Variants in CORO2B observed in about 807,000 individuals in gnomAD.
CORO2B encodes coronin 2B, also known as coronin-2B.
CORO2B carries 26 observed loss-of-function variants against 58.8 expected under a neutral mutation model. The observed-to-expected ratio is 0.44, with a 90% CI of 0.32 to 0.61. The LOEUF is 0.61. Among genes scored for constraint, CORO2B ranks in the 20% least tolerant of loss-of-function variants. CORO2B has a pLI of 0.04. For synonymous variants in CORO2B, 242 were observed against 253.8 expected (o/e 0.95, Z 0.44); for missense variants, 460 against 645.1 (o/e 0.71, Z 3.11).
chr15:68,520,366 T>C, the CORO2B span, among the ~76,000 whole-genome samples: 1 of 152,244 alleles, frequency 6.6e-6, no homozygotes, highest in Non-Finnish European at 1.5e-5. Flanking sequence ...GAAAGAGGTA[T>C]ATTATAGTCT....
At chr15:68,630,728 G>A (rs1900806009) in intron 1 of CORO2B, among the ~76,000 whole-genome samples, 1 of 152,138 alleles carries the variant, frequency 6.6e-6, no homozygotes, top group Non-Finnish European at 1.5e-5. Flanking sequence ...GGTTTGGTCG[G>A]TGGCTCCACA....
intron 1 of CORO2B, among the ~76,000 whole-genome samples, chr15:68,601,726 G>A (rs990787364): frequency 6.6e-6 from 1 of 152,250 alleles, no homozygotes; most frequent in Admixed American, 6.5e-5. Flanking sequence ...GCTTTGAGGA[G>A]CAGAAAGAAG....
intron 2 of CORO2B, among the ~76,000 whole-genome samples, chr15:68,685,354 G>A (rs1902929978): frequency 6.6e-6 from 1 of 152,158 alleles, no homozygotes; most frequent in Admixed American, 6.5e-5. Context: ...GGGATTACAG[G>A]CACGTGTCAC....
chr15:68,640,089 G>C (rs755711834), intron 1 of CORO2B, among the ~76,000 whole-genome samples: 1 of 152,280 alleles, frequency 6.6e-6, no homozygotes, highest in East Asian at 1.9e-4. Flanking sequence ...GCGCACCCAT[G>C]CATCTGACCT....
chr15:68,556,474 G>T, the CORO2B span, among the ~76,000 whole-genome samples: 1 of 152,168 alleles, frequency 6.6e-6, no homozygotes, highest in East Asian at 1.9e-4. Flanking sequence ...TAGAAAGACT[G>T]CCACACTCGC....
At chr15:68,621,458 G>A (rs1185913912) in intron 1 of CORO2B, among the ~76,000 whole-genome samples, 1 of 152,222 alleles carries the variant, frequency 6.6e-6, no homozygotes, top group Non-Finnish European at 1.5e-5. Context: ...GGTTTGGCAG[G>A]AGGAGATGAG....
chr15:68,585,731 T>A (rs1411499095), intron 1 of CORO2B, among the ~76,000 whole-genome samples: 1 of 152,230 alleles, frequency 6.6e-6, no homozygotes, highest in Non-Finnish European at 1.5e-5. Context: ...CTGGTTGCCT[T>A]GAGGGTGATG....
chr15:68,657,441 C>T (rs536193836), intron 2 of CORO2B, among the ~76,000 whole-genome samples: 108 of 143,396 alleles, frequency 7.5e-4, no homozygotes, highest in Admixed American at 2.2e-3. Context: ...CACTTGAACC[C>T]GGGGAGGTTG....
chr15:68,605,362 G>A (rs1335101598), intron 1 of CORO2B, among the ~76,000 whole-genome samples: 2 of 152,132 alleles, frequency 1.3e-5, no homozygotes, highest in Non-Finnish European at 2.9e-5. Flanking sequence ...ATAATCCAAA[G>A]GCGGGGAAAA....
chr15:68,601,996 A>G (rs1369938898), intron 1 of CORO2B, among the ~76,000 whole-genome samples: 1 of 150,078 alleles, frequency 6.7e-6, no homozygotes, highest in East Asian at 1.9e-4. Flanking sequence ...AAGGCCAAAC[A>G]CGATGGGAAG....
At chr15:68,675,001 A>G (rs1237611031) in intron 2 of CORO2B, among the ~76,000 whole-genome samples, 1 of 152,188 alleles carries the variant, frequency 6.6e-6, no homozygotes, top group Non-Finnish European at 1.5e-5. Flanking sequence ...AGAGAGTCAG[A>G]GATTCTTTTA....
chr15:68,575,064 C>G (rs1899254361), upstream of CORO2B, among the ~76,000 whole-genome samples: 1 of 152,218 alleles, frequency 6.6e-6, no homozygotes, highest in South Asian at 2.1e-4. Flanking sequence ...CAGACTTGAG[C>G]TGACAGCATC....
At chr15:68,610,388 C>T (rs1297217622) in intron 1 of CORO2B, among the ~76,000 whole-genome samples, 3 of 152,146 alleles carry the variant, frequency 2.0e-5, no homozygotes, top group African/African-American at 7.2e-5. Context: ...CATCCTTTTC[C>T]TGTATACCCC....
chr15:68,592,639 G>T (rs1427958465), intron 1 of CORO2B, among the ~76,000 whole-genome samples: 3 of 152,176 alleles, frequency 2.0e-5, no homozygotes, highest in Non-Finnish European at 4.4e-5. Context: ...CCACCTCTCT[G>T]CATCTATTCA....
intron 11 of CORO2B, among the ~76,000 whole-genome samples, chr15:68,724,436 C>CT (rs1260117936): frequency 2.0e-5 from 3 of 152,172 alleles, no homozygotes; most frequent in East Asian, 3.9e-4. Flanking sequence ...TTTCTCTCAT[C>CT]TTTTTTTGAG....
chr15:68,533,631 G>T, the CORO2B span, among the ~76,000 whole-genome samples: 4 of 152,268 alleles, frequency 2.6e-5, no homozygotes, highest in African/African-American at 9.6e-5. Context: ...GGGCCTCCTT[G>T]GGCAGGGGCC....
At chr15:68,709,124 T>C (rs1892851961) in intron 3 of CORO2B, among the ~76,000 whole-genome samples, 1 of 152,236 alleles carries the variant, frequency 6.6e-6, no homozygotes. Flanking sequence ...TCCATATAAA[T>C]GATGTTGCAG....
chr15:68,564,067 CTG>C, the CORO2B span, among the ~76,000 whole-genome samples: 2 of 152,332 alleles, frequency 1.3e-5, no homozygotes, highest in African/African-American at 4.8e-5. Context: ...GAAAAGGAAA[CTG>C]TATGCCAATA....
At chr15:68,701,938 C>CAAGAGTTT (rs1892661538) in intron 3 of CORO2B, among the ~76,000 whole-genome samples, 1 of 151,922 alleles carries the variant, frequency 6.6e-6, no homozygotes, top group Non-Finnish European at 1.5e-5. Context: ...AGTGAGGGCC[C>CAAGAGTTT]AAGAGTTTAA....
Sources: gnomAD v4.1 joint callset for allele counts (sites outside exome capture counted in the v4.1 genomes callset) on GRCh38, gnomAD v4.1.1 for gene constraint, MANE v1.5 for transcripts, NCBI Gene and HGNC (gene_info 2026-07-23, HGNC 2026-07-21) for gene names.